The following WNK1 variants were observed in gnomAD, a reference collection of about 807,000 sequenced individuals.
The protein encoded by WNK1 is WNK lysine deficient protein kinase 1.
In WNK1, 38 loss-of-function variants were observed where a neutral mutation model predicts 222.8. That is an observed-to-expected ratio of 0.17 (90% CI 0.13 to 0.22). The LOEUF (loss-of-function observed/expected upper bound fraction) is 0.22, where lower values mean the gene tolerates loss of function less well. Ranked by LOEUF, WNK1 falls within the 10% of genes least tolerant of loss-of-function variation. The pLI, the probability that WNK1 is intolerant of heterozygous loss-of-function variation, is 1.00. For missense variants in WNK1, 2,348 were observed against 2,918.4 expected, an observed-to-expected ratio of 0.80 and a Z score of 4.50; for synonymous variants, 1,090 against 1,092.9, an observed-to-expected ratio of 1.00 and a Z score of 0.05.
chr12:764,968 T>C (rs1205816416), intron 1 of WNK1, among the ~76,000 whole-genome samples: 1 of 147,304 alleles, frequency 6.8e-6, no homozygotes, highest in East Asian at 2.0e-4. Context: ...CCTGAGTAGC[T>C]GGGATTACAG....
chr12:810,246 C>CA (rs71439362), intron 1 of WNK1, among the ~76,000 whole-genome samples: 12,988 of 139,882 alleles, frequency 0.093, 695 homozygotes, highest in Admixed American at 0.16. Flanking sequence ...GACTCCGTCT[C>CA]AAAAAAAAAA....
intron 8 of WNK1, among the ~76,000 whole-genome samples, chr12:870,614 G>A (rs947940504): frequency 1.3e-5 from 2 of 152,170 alleles, no homozygotes; most frequent in Non-Finnish European, 2.9e-5. Flanking sequence ...ATTCTTTGTT[G>A]TGGTGGGCTG....
At chr12:794,249 C>G (rs1211392164) in intron 1 of WNK1, among the ~76,000 whole-genome samples, 1 of 152,092 alleles carries the variant, frequency 6.6e-6, no homozygotes. Context: ...TTAACATATA[C>G]TTGAATTTCT....
In WNK1 at chr12:868,379, C is replaced by T. The variant is rs767247980; in HGVS notation, c.2140-2886C>T. On this transcript the variant is annotated intron_variant, in intron 8 of 27. Transcript: ENST00000315939. ...AAGTCCTATGAAACAGATACCTGAA[C>T]AGAAGCCAGTACAAGGGGGCCCTAC... 3.7e-6 allele frequency: 6 copies of T among 1,613,938 alleles called. No individual in the cohort carries two copies. The South Asian group carries it at 5.5e-5, about 15-fold the overall frequency.
intron 26 of WNK1, chr12:901,676 C>T: frequency 8.2e-7 from 1 of 1,224,462 alleles, no homozygotes; most frequent in Non-Finnish European, 1.1e-6. Flanking sequence ...TTTACTCCTT[C>T]CTTGTCCTTG....
intron 11 of WNK1, 30 bp downstream of exon 11, chr12:880,061 C>T (rs370307417): frequency 1.9e-5 from 31 of 1,601,076 alleles, no homozygotes; most frequent in Non-Finnish European, 2.6e-5. Context: ...AAGAGGGCAC[C>T]ACAGAGTTTG....
intron 2 of WNK1, among the ~76,000 whole-genome samples, chr12:820,473 T>G (rs993050802): frequency 6.8e-6 from 1 of 148,054 alleles, no homozygotes; most frequent in Non-Finnish European, 1.5e-5. Context: ...GGGGTTTTTT[T>G]TTTTTTTTTT....
chr12:907,777 G>A, intron 26 of WNK1, 70 bp from the exon 27 acceptor site: 1 of 1,567,806 alleles, frequency 6.4e-7, no homozygotes, highest in East Asian at 2.2e-5. Flanking sequence ...ATCATCCCGT[G>A]AAGTTTTCCC....
chr12:778,967 G>A (rs1247553873), intron 1 of WNK1, among the ~76,000 whole-genome samples: 1 of 152,138 alleles, frequency 6.6e-6, no homozygotes, highest in Admixed American at 6.5e-5. Flanking sequence ...AAACATTACA[G>A]GGGGAGCAAA....
At chr12:766,903 A>G (rs1862139131) in intron 1 of WNK1, among the ~76,000 whole-genome samples, 1 of 152,000 alleles carries the variant, frequency 6.6e-6, no homozygotes, top group South Asian at 2.1e-4. Flanking sequence ...CAGCCTCCCA[A>G]GCAGCTGGGA....
chr12:785,844 C>G (rs930442789), intron 1 of WNK1, among the ~76,000 whole-genome samples: 1 of 152,016 alleles, frequency 6.6e-6, no homozygotes, highest in African/African-American at 2.4e-5. Context: ...CCTTGGTTGT[C>G]GCATTTGAGT....
chr12:849,338 A>G (rs1411019910), intron 4 of WNK1, among the ~76,000 whole-genome samples: 1 of 152,192 alleles, frequency 6.6e-6, no homozygotes, highest in African/African-American at 2.4e-5. Flanking sequence ...ATTACAAGGG[A>G]GAGAGGACTT....
chr12:753,557 G>T lies in WNK1; in HGVS notation c.-9G>T, dbSNP rs756723531. On this transcript the variant is annotated 5_prime_UTR_variant, in exon 1 of 28. Transcript: ENST00000315939. This position sits in a 1 kb window ranked among gnomAD's most constrained non-coding sequence, Gnocchi z 5.2. ...CCGAGCCCGCTCGCCTCTCTCCAGC[G>T]AACCGACCATGTCTGGCGGCGCCGC... 6 of 1,612,086 alleles carry T rather than the reference G, an allele frequency of 3.7e-6. No homozygotes were observed. The highest frequency in any genetic ancestry group is 1.1e-5 in the South Asian group (1 of 91,046).
intron 4 of WNK1, among the ~76,000 whole-genome samples, chr12:841,906 C>T (rs973671321): frequency 3.3e-4 from 50 of 152,302 alleles, no homozygotes; most frequent in Middle Eastern, 3.4e-3. Flanking sequence ...ACCTTCACCT[C>T]TTAATACTGT....
In WNK1 at chr12:861,167, A is replaced by C; in HGVS notation, c.1775A>C (p.Gln592Pro). 1 of 1,614,010 alleles carries C rather than the reference A, an allele frequency of 6.2e-7. No homozygotes were observed. Among genetic ancestry groups the C allele is most frequent in the South Asian group, 1.1e-5 (1 of 91,086 alleles). Residue 592 changes from glutamine to proline, a missense_variant, in exon 7 of 28, where the codon CAG (glutamine) becomes CCG (proline). Transcript: ENST00000315939. ...CAGGAAGAGAGCAGTCTCAAACAGC[A>C]GGTAGAACAATCCAGTGCTTCCCAG... The part of the protein sequence containing the change: ...KKQEESSLKQ[Q>P]VEQSSASQTG...
intron 26 of WNK1, chr12:906,425 T>TA: frequency 2.0e-6 from 2 of 985,264 alleles, no homozygotes; most frequent in Non-Finnish European, 2.4e-6. Context: ...CTCCTCCCCT[T>TA]TGCACCCTGC....
At chr12:859,734 G>A (rs1951060806) in intron 6 of WNK1, among the ~76,000 whole-genome samples, 1 of 149,354 alleles carries the variant, frequency 6.7e-6, no homozygotes, top group Non-Finnish European at 1.5e-5. Flanking sequence ...TGGAGAGAGA[G>A]ACAGGGTCTT....
chr12:861,493 ATTC>A (rs1348360667), intron 7 of WNK1, 150 bp downstream of exon 7: 2 of 720,844 alleles, frequency 2.8e-6, no homozygotes, highest in Non-Finnish European at 4.7e-6. Flanking sequence ...GCTTCTCTTT[ATTC>A]TTATATCTGT....
chr12:883,695 C>G (rs1426303296), intron 16 of WNK1, 79 bp from the exon 17 acceptor site: 1 of 1,597,164 alleles, frequency 6.3e-7, no homozygotes, highest in African/African-American at 1.3e-5. Context: ...TTTATGTTCT[C>G]TTCACATGTG....
Sources: gnomAD v4.1 joint callset for allele counts (sites outside exome capture counted in the v4.1 genomes callset) on GRCh38, gnomAD v4.1.1 for gene constraint, Gnocchi (gnomAD v3.1) non-coding constraint, MANE v1.5 for transcripts, NCBI Gene and HGNC (gene_info 2026-07-23, HGNC 2026-07-21) for gene names.